Variants in TTC23L observed in about 807,000 individuals in gnomAD.
The protein encoded by TTC23L is tetratricopeptide repeat protein 23-like.
A neutral mutation model predicts 48.1 loss-of-function variants in TTC23L; 42 were observed. The ratio of observed to expected loss-of-function variants is 0.87; its 90% CI spans 0.68 to 1.13. TTC23L has a LOEUF of 1.13. Ranked by LOEUF, TTC23L falls within the 50% of genes most tolerant of loss-of-function variation. The pLI is 0.00. For synonymous variants in TTC23L, 159 were observed against 157.2 expected (o/e 1.01, Z -0.09); for missense variants, 391 against 421.0 (o/e 0.93, Z 0.62).
At chr5:34,925,596 G>A in the TTC23L span, 1 of 996,212 alleles carries the variant, frequency 1.0e-6, no homozygotes, top group Non-Finnish European at 1.4e-6. Context: ...TCTAATTAGT[G>A]TAGCATTTAC....
At chr5:34,909,400 AACC>A in the TTC23L span, 4 of 1,367,748 alleles carry the variant, frequency 2.9e-6, no homozygotes, top group Admixed American at 1.7e-5. Flanking sequence ...TCCAAAAATA[AACC>A]ACATTAGGAT....
chr5:34,843,979 C>G lies in TTC23L; in HGVS notation c.69-1508C>G, dbSNP rs892845001. Among the ~76,000 whole-genome samples, 3 of 151,982 alleles carry G rather than the reference C, an allele frequency of 2.0e-5. No individual in the cohort carries two copies. In the East Asian group the frequency reaches 5.8e-4, roughly 29 times the overall value. ...AAACAACAATAAAAAAATCAAACAA[C>G]AATAAAAAAAAATCACAGTGTACTA... On this transcript the variant is annotated intron_variant, in intron 2 of 10. Coordinates refer to ENST00000505624, the Ensembl canonical transcript of TTC23L.
At chr5:34,920,491 G>A in the TTC23L span, 34,697 of 152,084 alleles carry the variant, frequency 0.23, 4,573 homozygotes, top group East Asian at 0.36. Flanking sequence ...AACCTCTGCT[G>A]TAATACCACA....
At chr5:34,897,021 AAAC>A in intron 10 of TTC23L, 146 bp downstream of exon 10, 2 of 550,532 alleles carry the variant, frequency 3.6e-6, no homozygotes, top group African/African-American at 1.9e-5. Flanking sequence ...GGAAAAAAAA[AAAC>A]AAAAAAAACA....
At chr5:34,856,531 T>C (rs1024210370) in intron 4 of TTC23L, among the ~76,000 whole-genome samples, 5 of 152,180 alleles carry the variant, frequency 3.3e-5, no homozygotes, top group African/African-American at 9.7e-5. Flanking sequence ...CATGGAGGAA[T>C]GTTTGAGACC....
At chr5:34,859,292 T>A (rs531235405) in intron 4 of TTC23L, among the ~76,000 whole-genome samples, 4 of 152,340 alleles carry the variant, frequency 2.6e-5, no homozygotes, top group African/African-American at 9.6e-5. Flanking sequence ...TTTTCTACTT[T>A]GTTTTCTTGG....
the TTC23L span, chr5:34,916,107 A>G: frequency 2.0e-6 from 1 of 508,238 alleles, no homozygotes; most frequent in Non-Finnish European, 3.3e-6. Context: ...GGCGGGTTTT[A>G]AAACCTTTAC....
exon 8 of TTC23L, chr5:34,868,959 A>G: frequency 6.2e-7 from 1 of 1,611,832 alleles, no homozygotes; most frequent in Non-Finnish European, 8.5e-7. Context: ...AACTGCAGAA[A>G]TGAGTGCGTT....
the TTC23L span, chr5:34,916,000 G>A: frequency 1.5e-6 from 2 of 1,340,684 alleles, no homozygotes; most frequent in African/African-American, 1.5e-5. Flanking sequence ...AGAGTAGCCC[G>A]GGTGTTAACG....
intron 9 of TTC23L, among the ~76,000 whole-genome samples, chr5:34,895,947 TAAG>T (rs1329614205): frequency 6.6e-6 from 1 of 152,084 alleles, no homozygotes; most frequent in African/African-American, 2.4e-5. Flanking sequence ...TCTACAAAAT[TAAG>T]GAGGAAATAT....
At chr5:34,845,412 C>A in intron 2 of TTC23L, 75 bp from the exon 3 acceptor site, 1 of 1,462,128 alleles carries the variant, frequency 6.8e-7, no homozygotes, top group South Asian at 1.3e-5. Context: ...GTTGGGAGAG[C>A]TATGCCCTTC....
chr5:34,873,080 A>G (rs979566043), intron 8 of TTC23L, among the ~76,000 whole-genome samples: 14 of 152,292 alleles, frequency 9.2e-5, no homozygotes, highest in Middle Eastern at 6.8e-3. Context: ...GAAAAGAAAA[A>G]AAAAAAAGGA....
intron 3 of TTC23L, among the ~76,000 whole-genome samples, chr5:34,849,835 T>C (rs1299589959): frequency 2.6e-5 from 4 of 152,144 alleles, no homozygotes; most frequent in Admixed American, 2.6e-4. Flanking sequence ...TGTATATTAA[T>C]AAAGTTTTTC....
At chr5:34,924,887 G>A in the TTC23L span, 5 of 1,607,700 alleles carry the variant, frequency 3.1e-6, no homozygotes, top group African/African-American at 2.7e-5. Flanking sequence ...ATAGGACCTC[G>A]TTTTGTCTTA....
At position 34,851,428 on chromosome 5, in the gene TTC23L, A is replaced by G. The variant is rs112018453; in HGVS notation, c.379+1120A>G. 5.9e-3 allele frequency among the ~76,000 whole-genome samples: 904 copies of G among 152,206 alleles called. 9 individuals carry two copies. The highest frequency in any genetic ancestry group is 0.02 in the African/African-American group (851 of 41,530). On this transcript the variant is annotated intron_variant, in intron 4 of 10. Coordinates refer to ENST00000505624, the Ensembl canonical transcript of TTC23L. ...TCTATAGGCCCTTTTACACCCATTT[A>G]TTTTTAATGCAACTTTAGATTCATT...
chr5:34,882,609 C>T (rs1762291628), intron 9 of TTC23L, among the ~76,000 whole-genome samples: 1 of 120,444 alleles, frequency 8.3e-6, no homozygotes, highest in Non-Finnish European at 1.9e-5. Flanking sequence ...GGGAATTGTT[C>T]CCATGGACTA....
At chr5:34,872,117 CAAA>C (rs371443637) in intron 8 of TTC23L, among the ~76,000 whole-genome samples, 13 of 128,772 alleles carry the variant, frequency 1.0e-4, no homozygotes, top group Admixed American at 1.5e-4. Context: ...ATCTCTACCA[CAAA>C]AAAAAAAAAA....
chr5:34,847,864 T>C (rs1172049659), intron 3 of TTC23L, among the ~76,000 whole-genome samples: 2 of 152,310 alleles, frequency 1.3e-5, no homozygotes, highest in East Asian at 3.9e-4. Context: ...GGGTAGGAGA[T>C]AGGAATCAGT....
chr5:34,881,132 T>C (rs1762198704), intron 9 of TTC23L, among the ~76,000 whole-genome samples: 1 of 152,218 alleles, frequency 6.6e-6, no homozygotes, highest in African/African-American at 2.4e-5. Flanking sequence ...ATTTTTCTTG[T>C]ATCTTGATAC....
Sources: allele counts gnomAD v4.1 joint callset (sites outside exome capture counted in the v4.1 genomes callset), GRCh38; gene constraint gnomAD v4.1.1; transcripts MANE v1.5; gene names NCBI Gene and HGNC (gene_info 2026-07-23, HGNC 2026-07-21).